The following EGR3 variants were observed in gnomAD, a reference collection of about 807,000 sequenced individuals.
EGR3 encodes the protein early growth response 3.
A neutral mutation model predicts 22.4 loss-of-function variants in EGR3; 4 were observed. The observed-to-expected ratio is 0.18, with a 90% CI of 0.09 to 0.41. EGR3 has a LOEUF of 0.41. Ranked by LOEUF, EGR3 falls within the 10% of genes least tolerant of loss-of-function variation. The pLI is 1.00. For missense variants in EGR3, 315 were observed against 541.3 expected, an observed-to-expected ratio of 0.58 and a Z score of 4.15; for synonymous variants, 219 against 226.8, an observed-to-expected ratio of 0.97 and a Z score of 0.31.
Position 22,692,069 on chromosome 8 carries a change from C to G in EGR3, c.155-587G>C. The G allele has an allele frequency of 1.5e-6, 2 of 1,346,188 alleles. No individual in the cohort carries two copies. The highest frequency in any genetic ancestry group is 9.5e-7 in the Non-Finnish European group (1 of 1,052,394). 83.4% of individuals were successfully genotyped at this position (1,346,188 alleles called of 1,614,324 possible). A position where few individuals can be genotyped will look rare whatever the true frequency, so the allele number is the denominator to read the frequency against. On this transcript the variant is annotated intron_variant, in intron 1 of 1. Coordinates refer to ENST00000317216, the MANE Select transcript of EGR3 (RefSeq NM_004430.3). The surrounding 1 kb of genome is among the most constrained non-coding windows in gnomAD (Gnocchi z 6.2). ...CCCAGCCTCCTCGGGCATGAAGGAGCTTTAGGCTCTTGCTGGAGGGGAAAA... is the reference window on the plus strand; with the variant it reads ...CCCAGCCTCCTCGGGCATGAAGGAGGTTTAGGCTCTTGCTGGAGGGGAAAA...
In EGR3 at chr8:22,691,239, G is replaced by A. The variant is rs759841065; in HGVS notation, c.398C>T (p.Pro133Leu). ...QTSTASMVQP[P>L]QGDVEAMYPA... is the part of the protein sequence containing the mutation. ...ATACATGGCCTCCACGTCACCCTGC[G>A]GTGGCTGCACCATGCTGGCCGTGGA... The change falls in exon 2 of 2, where the codon CCG (proline) becomes CTG (leucine). Residue 133 changes from proline (P) to leucine (L), a missense_variant. Coordinates refer to ENST00000317216, the MANE Select transcript of EGR3 (RefSeq NM_004430.3). The A allele has an allele frequency of 2.5e-5, 40 of 1,613,878 alleles. No individual in the cohort carries two copies. Among genetic ancestry groups the A allele is most frequent in the Non-Finnish European group, 3.4e-5 (40 of 1,180,016 alleles).
chr8:22,688,576 A>C lies in EGR3; in HGVS notation c.*1897T>G, dbSNP rs1194744450. The C allele has an allele frequency of 6.6e-6, 1 of 152,504 alleles. No individual in the cohort carries two copies. Among genetic ancestry groups the C allele is most frequent in the Non-Finnish European group, 1.5e-5 (1 of 68,040 alleles). The allele number at this position is 152,504 out of a possible 1,614,324, so 9.4% of individuals were successfully genotyped here. On this transcript the variant is annotated 3_prime_UTR_variant, in exon 2 of 2. Coordinates refer to ENST00000317216, the MANE Select transcript of EGR3 (RefSeq NM_004430.3). Reference sequence around the variant, plus strand: ...TAGTATTATTTATCCACCACCAAAAATCAAAACAAAACAAAACAAAAATGG... The same window carrying C: ...TAGTATTATTTATCCACCACCAAAACTCAAAACAAAACAAAACAAAAATGG...
chr8:22,691,335 T>C lies in EGR3; in HGVS notation c.302A>G (p.Asn101Ser). 6.2e-7 allele frequency: 1 copy of C among 1,614,036 alleles called. No individual in the cohort carries two copies. Among genetic ancestry groups the C allele is most frequent in the Non-Finnish European group, 8.5e-7 (1 of 1,179,980 alleles). ...FDSPSNWCQD[N>S]IISLMSAGIL... ...GCCGGCGCTCATGAGGCTAATGATG[T>C]TGTCCTGGCACCAGTTGGAAGGGGA... The change falls in exon 2 of 2, where the codon AAC becomes AGC. Residue 101 changes from asparagine (N) to serine (S), a missense_variant. Transcript: ENST00000317216.
Position 22,690,755 on chromosome 8 carries a change from C to G in EGR3, c.882G>C (p.Arg294=), listed in dbSNP as rs891952553. 54 of 1,613,738 alleles carry G rather than the reference C, an allele frequency of 3.3e-5. No homozygotes were observed. Among genetic ancestry groups the G allele is most frequent in the African/African-American group, 4.0e-5 (3 of 74,920 alleles). The part of the protein sequence containing the change: ...RRFSRSDELT[R]HLRIHTGHKP... The stretch of plus-strand genomic sequence containing the variant: ...TGTGGCCCGTGTGGATGCGCAGGTG[C>G]CGGGTCAGCTCGTCCGAACGGCTGA... The change falls in exon 2 of 2, where the codon CGG becomes CGC. Residue 294 remains arginine, a synonymous_variant. Coordinates refer to ENST00000317216, the MANE Select transcript of EGR3 (RefSeq NM_004430.3).
Position 22,693,059 on chromosome 8 carries a change from A to G in EGR3, c.-115T>C. The G allele has an allele frequency of 4.4e-6, 2 of 456,876 alleles. No individual in the cohort carries two copies. Among genetic ancestry groups the G allele is most frequent in the South Asian group, 4.0e-5 (2 of 50,038 alleles). The allele number at this position is 456,876 out of a possible 1,614,324, so 28.3% of individuals were successfully genotyped here. On this transcript the variant is annotated 5_prime_UTR_variant, in exon 1 of 2. It removes an upstream start codon present in the reference 5' UTR. Coordinates refer to ENST00000317216, the MANE Select transcript of EGR3 (RefSeq NM_004430.3). ...GCGATCCGTGGTGCAGGGGAAAAGCATGCGAGAGGGAAAGTTCGGGGGGAG... is the reference window on the plus strand; with the variant it reads ...GCGATCCGTGGTGCAGGGGAAAAGCGTGCGAGAGGGAAAGTTCGGGGGGAG...
intron 1 of EGR3, chr8:22,691,976 G>A: frequency 7.9e-7 from 1 of 1,263,380 alleles, no homozygotes; most frequent in Non-Finnish European, 1.0e-6. Context: ...AGAGCGCTCC[G>A]ACGCTTTGTC....
At position 22,689,034 on chromosome 8, in the gene EGR3, T is replaced by A. The variant is rs1226140143; in HGVS notation, c.*1439A>T. On this transcript the variant is annotated 3_prime_UTR_variant, in exon 2 of 2. Coordinates refer to ENST00000317216, the MANE Select transcript of EGR3 (RefSeq NM_004430.3). Reference sequence around the variant, plus strand: ...ATACATAGATGTGTATATGTGTATATATGTACACTCACATGTATATGTACA... The same window carrying A: ...ATACATAGATGTGTATATGTGTATAAATGTACACTCACATGTATATGTACA... 1 of 152,598 alleles carries A rather than the reference T, an allele frequency of 6.6e-6. No homozygotes were observed. Among genetic ancestry groups the A allele is most frequent in the Middle Eastern group, 3.2e-3 (1 of 314 alleles). 9.5% of individuals were successfully genotyped at this position (152,598 alleles called of 1,614,324 possible). A position where few individuals can be genotyped will look rare whatever the true frequency, so the allele number is the denominator to read the frequency against.
Position 22,690,509 on chromosome 8 carries a change from G to T in EGR3, c.1128C>A (p.Pro376=). Residue 376 remains proline, a synonymous_variant, in exon 2 of 2, where the codon CCC becomes CCA. Transcript: ENST00000317216. ...GGAPSASSAP[P]VSLAPVVTTC... ...TGGTGACCACGGGGGCCAGCGACAC[G>T]GGGGGCGCCGAGGATGCAGAGGGTG... 1 of 1,609,466 alleles carries T rather than the reference G, an allele frequency of 6.2e-7. No homozygotes were observed. The highest frequency in any genetic ancestry group is 1.1e-5 in the South Asian group (1 of 90,972).
Position 22,693,061 on chromosome 8 carries a change from G to T in EGR3, c.-117C>A. 7.6e-7 allele frequency: 1 copy of T among 1,308,374 alleles called. No homozygotes were observed. Among genetic ancestry groups the T allele is most frequent in the Admixed American group, 2.5e-5 (1 of 40,738 alleles). 81.0% of individuals were successfully genotyped at this position (1,308,374 alleles called of 1,614,324 possible). ...GATCCGTGGTGCAGGGGAAAAGCAT[G>T]CGAGAGGGAAAGTTCGGGGGGAGGG... On this transcript the variant is annotated 5_prime_UTR_variant, in exon 1 of 2. Transcript: ENST00000317216.
rs1477194841 is a variant in EGR3, at chr8:22,688,508, AC to A, written c.*1964del. ...AAGTCCAAGTACCTGGAAATTCACA[AC>A]CCCCTGCTCTTCGATATCCCCCCTT... On this transcript the variant is annotated 3_prime_UTR_variant, in exon 2 of 2. Transcript: ENST00000317216. 1.3e-5 allele frequency: 2 copies of A among 152,130 alleles called. No homozygotes were observed. The highest frequency in any genetic ancestry group is 2.1e-4 in the South Asian group (1 of 4,804). 9.4% of individuals were successfully genotyped at this position (152,130 alleles called of 1,614,324 possible).
In EGR3 at chr8:22,691,602, G is replaced by T. The variant is rs976348939; in HGVS notation, c.155-120C>A. On this transcript the variant is annotated intron_variant, in intron 1 of 1. Transcript: ENST00000317216. Reference sequence around the variant, plus strand: ...GCCGGGTGGAGTGCGTAGCGCATGGGGTAAGAGGAACGCTGAGCCCCGCGC... The same window carrying T: ...GCCGGGTGGAGTGCGTAGCGCATGGTGTAAGAGGAACGCTGAGCCCCGCGC... The T allele has an allele frequency of 1.0e-5, 15 of 1,464,090 alleles. No individual in the cohort carries two copies. In the East Asian group the frequency reaches 1.9e-4, roughly 18 times the overall value. The allele number at this position is 1,464,090 out of a possible 1,614,324, so 90.7% of individuals were successfully genotyped here.
chr8:22,692,153 C>T lies in EGR3; in HGVS notation c.154+638G>A, dbSNP rs1563184154. Reference sequence around the variant, plus strand: ...GGAAAACCGGCCGGTGTCTCCATGGCGGGAGAGGCCGCCCTTCCCCAGCTC... The same window carrying T: ...GGAAAACCGGCCGGTGTCTCCATGGTGGGAGAGGCCGCCCTTCCCCAGCTC... On this transcript the variant is annotated intron_variant, in intron 1 of 1. Coordinates refer to ENST00000317216, the MANE Select transcript of EGR3 (RefSeq NM_004430.3). This position sits in a 1 kb window ranked among gnomAD's most constrained non-coding sequence, Gnocchi z 6.2. 4 of 1,377,722 alleles carry T rather than the reference C, an allele frequency of 2.9e-6. No homozygotes were observed. Among genetic ancestry groups the T allele is most frequent in the Non-Finnish European group, 3.7e-6 (4 of 1,070,730 alleles). The allele number at this position is 1,377,722 out of a possible 1,614,324, so 85.3% of individuals were successfully genotyped here. A position where few individuals can be genotyped will look rare whatever the true frequency, so the allele number is the denominator to read the frequency against.
In EGR3 at chr8:22,690,518, C is replaced by T. The variant is rs150892020; in HGVS notation, c.1119G>A (p.Ser373=). 21 of 1,610,678 alleles carry T rather than the reference C, an allele frequency of 1.3e-5. No individual in the cohort carries two copies. The African/African-American group carries it at 2.8e-4, about 21-fold the overall frequency. Residue 373 remains serine (S), a synonymous_variant, in exon 2 of 2, where the codon TCG becomes TCA. Coordinates refer to ENST00000317216, the MANE Select transcript of EGR3 (RefSeq NM_004430.3). ...CGGGGGCCAGCGACACGGGGGGCGC[C>T]GAGGATGCAGAGGGTGCACCGCCCT... ...AEKGGAPSAS[S]APPVSLAPVV...
chr8:22,692,453 G>A lies in EGR3; in HGVS notation c.154+338C>T. ...CGCCTTGCGCGTAGCCCGGCGATCG[G>A]GCCCCCTGCGTGGTGAGGGAGAACC... On this transcript the variant is annotated intron_variant, in intron 1 of 1. Transcript: ENST00000317216. This position sits in a 1 kb window ranked among gnomAD's most constrained non-coding sequence, Gnocchi z 6.2. 7.0e-7 allele frequency: 1 copy of A among 1,423,532 alleles called. No homozygotes were observed. The allele number at this position is 1,423,532 out of a possible 1,614,324, so 88.2% of individuals were successfully genotyped here.
At chr8:22,691,833 C>A in intron 1 of EGR3, 3 of 985,402 alleles carry the variant, frequency 3.0e-6, no homozygotes, top group Non-Finnish European at 3.6e-6. Flanking sequence ...GTTTCAGACC[C>A]GGAGCGCGCT....
chr8:22,688,970 T>C lies in EGR3; in HGVS notation c.*1503A>G, dbSNP rs1390621715. 1 of 152,560 alleles carries C rather than the reference T, an allele frequency of 6.6e-6. No individual in the cohort carries two copies. The highest frequency in any genetic ancestry group is 2.4e-5 in the African/African-American group (1 of 41,406). The allele number at this position is 152,560 out of a possible 1,614,324, so 9.5% of individuals were successfully genotyped here. ...AAAATCCCCATATCTTTGAGGAAAT[T>C]TTGGACAGAGATGTGTATATGTGTA... is the stretch of plus-strand genomic sequence containing the variant. On this transcript the variant is annotated 3_prime_UTR_variant, in exon 2 of 2. Transcript: ENST00000317216.
chr8:22,692,253 A>C lies in EGR3; in HGVS notation c.154+538T>G. ...CCCCCTCCTTCTCCCCGCCGTCCCC[A>C]CACCCCCACGGCTTTGCTGAACGCC... On this transcript the variant is annotated intron_variant, in intron 1 of 1. Coordinates refer to ENST00000317216, the MANE Select transcript of EGR3 (RefSeq NM_004430.3). This position sits in a 1 kb window ranked among gnomAD's most constrained non-coding sequence, Gnocchi z 6.2. 5 of 1,458,210 alleles carry C rather than the reference A, an allele frequency of 3.4e-6. No individual in the cohort carries two copies. The highest frequency in any genetic ancestry group is 1.8e-6 in the Non-Finnish European group (2 of 1,109,262). The allele number at this position is 1,458,210 out of a possible 1,614,324, so 90.3% of individuals were successfully genotyped here. A position where few individuals can be genotyped will look rare whatever the true frequency, so the allele number is the denominator to read the frequency against.
rs1390091552 is a variant in EGR3, at chr8:22,689,427, G to T, written c.*1046C>A. ...GGGAAGGAGAAATTGCTATGTAATT[G>T]AGAGAAGACACAAAGCTGGAGTGGC... On this transcript the variant is annotated 3_prime_UTR_variant, in exon 2 of 2. Coordinates refer to ENST00000317216, the MANE Select transcript of EGR3 (RefSeq NM_004430.3). 1 of 152,622 alleles carries T rather than the reference G, an allele frequency of 6.6e-6. No individual in the cohort carries two copies. The highest frequency in any genetic ancestry group is 1.5e-5 in the Non-Finnish European group (1 of 68,042). The allele number at this position is 152,622 out of a possible 1,614,324, so 9.5% of individuals were successfully genotyped here.
In EGR3 at chr8:22,692,758, C is replaced by G; in HGVS notation, c.154+33G>C. On this transcript the variant is annotated intron_variant, in intron 1 of 1. Transcript: ENST00000317216. The surrounding 1 kb of genome is among the most constrained non-coding windows in gnomAD (Gnocchi z 6.2). ...CCTCCTCTTCCTCTCCCCTTCCTTCCTCGCTGCCTCGCCGCCTCCCCGCCG... is the reference window on the plus strand; with the variant it reads ...CCTCCTCTTCCTCTCCCCTTCCTTCGTCGCTGCCTCGCCGCCTCCCCGCCG... 1 of 1,610,592 alleles carries G rather than the reference C, an allele frequency of 6.2e-7. No individual in the cohort carries two copies. The highest frequency in any genetic ancestry group is 8.5e-7 in the Non-Finnish European group (1 of 1,178,948).
Sources: gnomAD v4.1 joint callset for allele counts on GRCh38, gnomAD v4.1.1 for gene constraint, Gnocchi (gnomAD v3.1) non-coding constraint, MANE v1.5 for transcripts, NCBI Gene and HGNC (gene_info 2026-07-23, HGNC 2026-07-21) for gene names.